Variants in AHI1 observed in about 807,000 individuals in gnomAD.
AHI1 encodes the protein jouberin.
AHI1 carries 123 observed loss-of-function variants against 149.3 expected under a neutral mutation model. That is an observed-to-expected ratio of 0.82 (90% CI 0.71 to 0.96). The LOEUF is 0.96. AHI1 is among the 40% of genes least tolerant of loss of function. The pLI is 0.00. For synonymous variants in AHI1, 475 were observed against 459.8 expected (o/e 1.03, Z -0.42); for missense variants, 1,439 against 1,422.7 (o/e 1.01, Z -0.18).
chr6:135,401,520 A>C (rs1554317816), intron 22 of AHI1, among the ~76,000 whole-genome samples: 1 of 152,238 alleles, frequency 6.6e-6, no homozygotes, highest in Non-Finnish European at 1.5e-5. Context: ...AATAGATGAT[A>C]AACTGCATAA....
intron 5 of AHI1, among the ~76,000 whole-genome samples, chr6:135,477,964 A>AT (rs368395390): frequency 0.043 from 6,381 of 149,880 alleles, 377 homozygotes; most frequent in African/African-American, 0.13. Flanking sequence ...CACCCGGCTA[A>AT]TTTTTTTTTT....
intron 22 of AHI1, among the ~76,000 whole-genome samples, chr6:135,403,833 C>T (rs1390166917): frequency 8.6e-5 from 13 of 151,904 alleles, no homozygotes; most frequent in Admixed American, 8.5e-4. Flanking sequence ...TATTCCATAT[C>T]CTGTTGACTT....
intron 5 of AHI1, among the ~76,000 whole-genome samples, chr6:135,470,448 A>T (rs1364200250): frequency 6.6e-6 from 1 of 152,236 alleles, no homozygotes; most frequent in Non-Finnish European, 1.5e-5. Context: ...TATTTGACCA[A>T]GCAATCCCAT....
chr6:135,319,498 G>A (rs1037521566), intron 25 of AHI1, among the ~76,000 whole-genome samples: 1 of 152,042 alleles, frequency 6.6e-6, no homozygotes, highest in Non-Finnish European at 1.5e-5. Flanking sequence ...TGATAATTTG[G>A]GAAGACGATA....
At chr6:135,463,469 A>T (rs1249838985) in intron 7 of AHI1, among the ~76,000 whole-genome samples, 163 bp from the exon 8 acceptor site, 2 of 152,072 alleles carry the variant, frequency 1.3e-5, no homozygotes, top group East Asian at 3.9e-4. Context: ...TAAAATGGTT[A>T]AGTGTCAAAT....
intron 6 of AHI1, among the ~76,000 whole-genome samples, 157 bp downstream of exon 6, chr6:135,467,424 C>T (rs181675261): frequency 6.6e-6 from 1 of 152,244 alleles, no homozygotes; most frequent in East Asian, 1.9e-4. Context: ...AACCCAACTG[C>T]TGATATTAAA....
intron 14 of AHI1, 104 bp from the exon 15 acceptor site, chr6:135,438,602 A>T: frequency 1.1e-6 from 1 of 900,310 alleles, no homozygotes; most frequent in Non-Finnish European, 1.5e-6. Flanking sequence ...AGTCTATAAC[A>T]AAATTATAAC....
chr6:135,328,481 G>C (rs1392025018), intron 24 of AHI1, among the ~76,000 whole-genome samples: 1 of 115,270 alleles, frequency 8.7e-6, no homozygotes, highest in Non-Finnish European at 2.1e-5. Context: ...AATTCTTTTG[G>C]GGTGCCATAA....
intron 5 of AHI1, among the ~76,000 whole-genome samples, chr6:135,487,127 C>T (rs1794590157): frequency 6.6e-6 from 1 of 151,982 alleles, no homozygotes; most frequent in African/African-American, 2.4e-5. Context: ...AAACTATTTA[C>T]ATTTATTGTC....
At chr6:135,494,935 A>G (rs1795766573) in intron 3 of AHI1, among the ~76,000 whole-genome samples, 1 of 152,184 alleles carries the variant, frequency 6.6e-6, no homozygotes, top group Non-Finnish European at 1.5e-5. Context: ...ATCTGCAAGT[A>G]GGAAGTCACG....
At chr6:135,321,904 C>T (rs1181576469) in intron 25 of AHI1, among the ~76,000 whole-genome samples, 1 of 152,062 alleles carries the variant, frequency 6.6e-6, no homozygotes, top group South Asian at 2.1e-4. Context: ...CGGGTTCACG[C>T]GATTCTCCCG....
At chr6:135,332,752 C>A (rs1378797230) in intron 24 of AHI1, among the ~76,000 whole-genome samples, 1 of 152,208 alleles carries the variant, frequency 6.6e-6, no homozygotes, top group East Asian at 1.9e-4. Flanking sequence ...AGTTATTCTT[C>A]TGTTATTCTG....
At chr6:135,403,968 T>C (rs1454977180) in intron 22 of AHI1, among the ~76,000 whole-genome samples, 1 of 151,462 alleles carries the variant, frequency 6.6e-6, no homozygotes, top group Non-Finnish European at 1.5e-5. Context: ...AAAGCGACAA[T>C]AGCCTATTGC....
chr6:135,329,245 C>T (rs895665281), intron 24 of AHI1, among the ~76,000 whole-genome samples: 2 of 152,174 alleles, frequency 1.3e-5, no homozygotes, highest in Non-Finnish European at 2.9e-5. Flanking sequence ...GAAGAAGATG[C>T]CGTCTATGAC....
chr6:135,341,471 T>G (rs1790359733), intron 24 of AHI1, among the ~76,000 whole-genome samples: 1 of 151,954 alleles, frequency 6.6e-6, no homozygotes, highest in South Asian at 2.1e-4. Context: ...AAATAGAAGA[T>G]TTAATCAATG....
intron 11 of AHI1, 102 bp downstream of exon 11, chr6:135,453,239 T>TA (rs1458289174): frequency 2.3e-6 from 2 of 877,638 alleles, no homozygotes; most frequent in African/African-American, 3.4e-5. Context: ...AACATTACCT[T>TA]AGATTCTAAT....
intron 10 of AHI1, among the ~76,000 whole-genome samples, chr6:135,454,007 C>T (rs1320169843): frequency 1.3e-5 from 2 of 152,084 alleles, no homozygotes; most frequent in African/African-American, 4.8e-5. Context: ...CTTACTGGTG[C>T]TTATTAAAAG....
chr6:135,307,413 C>T (rs1784646799), intron 26 of AHI1, among the ~76,000 whole-genome samples: 1 of 152,046 alleles, frequency 6.6e-6, no homozygotes, highest in African/African-American at 2.4e-5. Flanking sequence ...TAACATTAGT[C>T]AATAGATATC....
At chr6:135,302,738 GTCA>G in intron 26 of AHI1, 1 of 1,280,560 alleles carries the variant, frequency 7.8e-7, no homozygotes, top group Non-Finnish European at 1.0e-6. Flanking sequence ...GCAGCAGCAC[GTCA>G]TATAGGTAGT....
Sources: allele counts gnomAD v4.1 joint callset (sites outside exome capture counted in the v4.1 genomes callset), GRCh38; gene constraint gnomAD v4.1.1; transcripts MANE v1.5; gene names NCBI Gene and HGNC (gene_info 2026-07-23, HGNC 2026-07-21).